ZNF536: variants seen among roughly 807,000 people sequenced by gnomAD.
ZNF536 encodes the protein zinc finger protein 536.
Under a neutral mutation model 84.5 loss-of-function variants are expected in ZNF536, and 13 were observed. The observed-to-expected ratio is 0.15, with a 90% confidence interval of 0.10 to 0.24. The LOEUF is 0.24. Among genes scored for constraint, ZNF536 ranks in the 10% least tolerant of loss-of-function variants. The pLI, the probability that ZNF536 is intolerant of heterozygous loss-of-function variation, is 1.00. For synonymous variants in ZNF536, 811 were observed against 742.5 expected (o/e 1.09, Z -1.50); for missense variants, 1,536 against 1,747.5 (o/e 0.88, Z 2.16).
At chr19:30,628,430 C>CTTTT (rs35554742) in intron 1 of ZNF536, among the ~76,000 whole-genome samples, 1 of 139,346 alleles carries the variant, frequency 7.2e-6, no homozygotes. Flanking sequence ...CCAGTAGTCA[C>CTTTT]TTTTTTTTTT....
At chr19:30,590,219 G>A (rs1003526831) in intron 1 of ZNF536, among the ~76,000 whole-genome samples, 32 of 152,172 alleles carry the variant, frequency 2.1e-4, no homozygotes, top group African/African-American at 7.7e-4. Flanking sequence ...TACTTGGTGG[G>A]CGTCCTTCTG....
chr19:30,335,279 C>T (rs547763482), intron 2 of ZNF536, among the ~76,000 whole-genome samples: 2 of 152,270 alleles, frequency 1.3e-5, no homozygotes, highest in African/African-American at 2.4e-5. Context: ...GTTTCCTCAC[C>T]TCTGTAATAG....
Position 30,445,169 on chromosome 19 carries a change from G to T in ZNF536, c.1607G>T (p.Gly536Val), listed in dbSNP as rs568730030. 23 of 1,614,164 alleles carry T rather than the reference G, an allele frequency of 1.4e-5. 1 individual carries two copies. The South Asian group carries it at 2.4e-4, about 17-fold the overall frequency. Reference protein sequence around the residue: ...LMARGMAMEHGFLSKEHPLQR... With the variant: ...LMARGMAMEHVFLSKEHPLQR... ...GCCAGGGGCATGGCCATGGAACATG[G>T]CTTCTTGTCTAAAGAGCATCCGCTG... Residue 536 changes from glycine (G) to valine (V), a missense_variant, in exon 2 of 5, where the codon GGC (glycine) becomes GTC (valine). Physicochemically the swap from Gly to Val is moderately radical, Grantham distance 109. Around this residue, in one of 8 missense-constraint regions of ZNF536, gnomAD observed 366 missense variants for 364.4 expected, o/e 1.00. Coordinates refer to ENST00000355537, the MANE Select transcript of ZNF536 (RefSeq NM_014717.3). The surrounding 1 kb of genome is among the most constrained non-coding windows in gnomAD (Gnocchi z 4.5).
chr19:30,648,671 A>G (rs1179320480), intron 1 of ZNF536, among the ~76,000 whole-genome samples: 3 of 152,200 alleles, frequency 2.0e-5, no homozygotes, highest in African/African-American at 7.2e-5. Context: ...CCTCATCCCT[A>G]ACATAGAAGT....
At chr19:30,342,804 A>T (rs2047605225) in intron 2 of ZNF536, among the ~76,000 whole-genome samples, 1 of 152,238 alleles carries the variant, frequency 6.6e-6, no homozygotes, top group African/African-American at 2.4e-5. Flanking sequence ...ATTTTGAACT[A>T]ATGTGCAATA....
chr19:30,338,977 C>T (rs1313859762), intron 2 of ZNF536, among the ~76,000 whole-genome samples: 1 of 152,122 alleles, frequency 6.6e-6, no homozygotes, highest in Admixed American at 6.5e-5. Context: ...GCCCAGGTTG[C>T]CTGCTCTTCC....
At chr19:30,312,942 A>G (rs1464249241) in intron 2 of ZNF536, among the ~76,000 whole-genome samples, 1 of 152,220 alleles carries the variant, frequency 6.6e-6, no homozygotes, top group Admixed American at 6.5e-5. Flanking sequence ...TTTGCAGGGC[A>G]GGGCCTGCTT....
intron 1 of ZNF536, among the ~76,000 whole-genome samples, chr19:30,700,162 C>A (rs2051846722): frequency 7.1e-6 from 1 of 141,384 alleles, no homozygotes; most frequent in African/African-American, 2.7e-5. Flanking sequence ...TTCCTTCTTT[C>A]TTTTCTTTCC....
intron 1 of ZNF536, among the ~76,000 whole-genome samples, chr19:30,695,215 G>A (rs2051605932): frequency 6.6e-6 from 1 of 152,116 alleles, no homozygotes; most frequent in Admixed American, 6.5e-5. Flanking sequence ...CACCTGTTAG[G>A]AGGTGTGGCC....
chr19:30,618,190 A>G (rs2048368027), intron 1 of ZNF536, among the ~76,000 whole-genome samples: 1 of 152,162 alleles, frequency 6.6e-6, no homozygotes, highest in East Asian at 1.9e-4. Context: ...TCTTTAGTGT[A>G]TAATGCCCCA....
At chr19:30,263,505 G>A (rs912396445) in intron 1 of ZNF536, among the ~76,000 whole-genome samples, 8 of 152,144 alleles carry the variant, frequency 5.3e-5, no homozygotes, top group South Asian at 2.1e-4. Context: ...GAAAGATAAC[G>A]GAGTGTGTGC....
intron 1 of ZNF536, among the ~76,000 whole-genome samples, chr19:30,620,347 AACACAC>A (rs5827722): frequency 9.3e-5 from 14 of 150,414 alleles, no homozygotes; most frequent in South Asian, 6.3e-4. Flanking sequence ...ACATTTTTAA[AACACAC>A]ACACACACAC....
chr19:30,432,633 G>A (rs898612274), intron 1 of ZNF536, among the ~76,000 whole-genome samples: 18 of 152,128 alleles, frequency 1.2e-4, no homozygotes, highest in Admixed American at 3.3e-4. Context: ...TCTCATGCAC[G>A]CGGAGCCCTC....
At chr19:30,575,997 G>C (rs923121405) in intron 1 of ZNF536, among the ~76,000 whole-genome samples, 3 of 152,210 alleles carry the variant, frequency 2.0e-5, no homozygotes, top group African/African-American at 7.2e-5. Context: ...AGTCCCTTAA[G>C]GCCTACACTG....
intron 1 of ZNF536, among the ~76,000 whole-genome samples, chr19:30,432,213 G>A (rs966315578): frequency 1.6e-4 from 25 of 152,112 alleles, no homozygotes; most frequent in Admixed American, 1.6e-3. Flanking sequence ...TGGGGTGTCA[G>A]GGCTGAGTTG....
intron 1 of ZNF536, among the ~76,000 whole-genome samples, chr19:30,617,588 G>T (rs545740609): frequency 6.6e-6 from 1 of 151,590 alleles, no homozygotes; most frequent in African/African-American, 2.4e-5. Flanking sequence ...CTGACCTCGT[G>T]ATCTGCCCAC....
intron 2 of ZNF536, among the ~76,000 whole-genome samples, chr19:30,303,319 C>T (rs1568317282): frequency 6.6e-6 from 1 of 152,208 alleles, no homozygotes; most frequent in Non-Finnish European, 1.5e-5. Context: ...CATCTGTGGC[C>T]ATGGCAGGCT....
chr19:30,508,820 CTTTTTTTTT>C (rs914349353), intron 2 of ZNF536, among the ~76,000 whole-genome samples: 3 of 68,770 alleles, frequency 4.4e-5, no homozygotes, highest in African/African-American at 1.3e-4. Flanking sequence ...TTCTTTCTTT[CTTTTTTTTT>C]TTTTTTTTTT....
chr19:30,373,906 C>T (rs1192544069), intron 1 of ZNF536, among the ~76,000 whole-genome samples: 1 of 152,182 alleles, frequency 6.6e-6, no homozygotes, highest in Non-Finnish European at 1.5e-5. Flanking sequence ...GCAAGGTGCA[C>T]GCGGCCCGGC....
Sources: allele counts gnomAD v4.1 joint callset (sites outside exome capture counted in the v4.1 genomes callset), GRCh38; gene constraint gnomAD v4.1.1; regional missense constraint gnomAD v4.1.1; non-coding constraint Gnocchi (gnomAD v3.1); transcripts MANE v1.5; gene names NCBI Gene and HGNC (gene_info 2026-07-23, HGNC 2026-07-21).